GALNT14: variants seen among roughly 807,000 people sequenced by gnomAD.
GALNT14 encodes the protein polypeptide N-acetylgalactosaminyltransferase 14.
GALNT14 carries 60 observed loss-of-function variants against 77.5 expected under a neutral mutation model. The ratio of observed to expected loss-of-function variants is 0.77; its 90% confidence interval spans 0.63 to 0.96. The LOEUF (loss-of-function observed/expected upper bound fraction) is 0.96. Ranked by LOEUF, GALNT14 falls within the 40% of genes least tolerant of loss-of-function variation. GALNT14 has a pLI of 0.00. For synonymous variants in GALNT14, 280 were observed against 281.7 expected, an observed-to-expected ratio of 0.99 and a Z score of 0.06; for missense variants, 710 against 731.0, an observed-to-expected ratio of 0.97 and a Z score of 0.33.
intron 1 of GALNT14, among the ~76,000 whole-genome samples, chr2:31,083,814 G>A (rs1676274622): frequency 6.6e-6 from 1 of 152,180 alleles, no homozygotes; most frequent in South Asian, 2.1e-4. Context: ...TTCCCTATGT[G>A]TGATCTGAGG....
intron 1 of GALNT14, among the ~76,000 whole-genome samples, chr2:31,130,649 G>T (rs911754906): frequency 5.3e-5 from 8 of 151,752 alleles, no homozygotes; most frequent in African/African-American, 1.2e-4. Context: ...ACCTCAGAAG[G>T]TCACATCAGG....
At chr2:30,942,089 C>G (rs1573004328) in intron 9 of GALNT14, 112 bp downstream of exon 9, 6 of 692,656 alleles carry the variant, frequency 8.7e-6, no homozygotes, top group East Asian at 5.4e-5. Context: ...TCATCCAAAG[C>G]ACGTGTCACT....
At chr2:30,968,955 G>T (rs1668178085) in intron 2 of GALNT14, among the ~76,000 whole-genome samples, 1 of 152,162 alleles carries the variant, frequency 6.6e-6, no homozygotes, top group Non-Finnish European at 1.5e-5. Context: ...GTGGAACCAG[G>T]GTTGAGGGAG....
At chr2:30,924,900 A>G (rs1267488891) in intron 11 of GALNT14, 77 bp from the exon 12 acceptor site, 25 of 1,218,692 alleles carry the variant, frequency 2.1e-5, no homozygotes, top group Non-Finnish European at 4.8e-6. Flanking sequence ...ACGCCAGTCC[A>G]GACTGAGAAC....
chr2:31,100,396 TATGTTTACTA>T (rs1427012778), intron 1 of GALNT14, among the ~76,000 whole-genome samples: 1 of 152,142 alleles, frequency 6.6e-6, no homozygotes, highest in Non-Finnish European at 1.5e-5. Flanking sequence ...AGTATTAATT[TATGTTTACTA>T]ATTATTGCAC....
At chr2:31,063,410 T>C (rs1050809432) in intron 1 of GALNT14, among the ~76,000 whole-genome samples, 48 of 152,122 alleles carry the variant, frequency 3.2e-4, no homozygotes, top group Admixed American at 2.4e-3. Context: ...TTCTGTTCCA[T>C]TGGTCTATAT....
intron 1 of GALNT14, among the ~76,000 whole-genome samples, chr2:31,117,980 A>G (rs13389205): frequency 8.0e-4 from 122 of 152,288 alleles, no homozygotes; most frequent in African/African-American, 2.9e-3. Flanking sequence ...GTGGCCTATA[A>G]ATAGAACCCA....
At chr2:31,037,064 C>T (rs1672780446) in intron 1 of GALNT14, among the ~76,000 whole-genome samples, 1 of 152,124 alleles carries the variant, frequency 6.6e-6, no homozygotes, top group Non-Finnish European at 1.5e-5. Context: ...ATTATTTCTT[C>T]AAGCATGTTC....
At chr2:30,938,384 ACTCTCT>A (rs1553339835) in intron 9 of GALNT14, among the ~76,000 whole-genome samples, 11 of 141,686 alleles carry the variant, frequency 7.8e-5, no homozygotes, top group South Asian at 2.3e-4. Context: ...ACACACACAC[ACTCTCT>A]CTCTCTCTCT....
At chr2:31,081,270 C>T (rs1250652019) in intron 1 of GALNT14, among the ~76,000 whole-genome samples, 1 of 152,198 alleles carries the variant, frequency 6.6e-6, no homozygotes, top group Non-Finnish European at 1.5e-5. Flanking sequence ...TATATGGATT[C>T]ATGGCAATAA....
chr2:31,121,231 T>C (rs945849364), intron 1 of GALNT14, among the ~76,000 whole-genome samples: 1 of 152,348 alleles, frequency 6.6e-6, no homozygotes, highest in Admixed American at 6.5e-5. Context: ...ACAGGCAAGA[T>C]GACTTCCCCA....
intron 1 of GALNT14, among the ~76,000 whole-genome samples, chr2:31,008,497 A>T (rs1357994630): frequency 6.6e-6 from 1 of 152,144 alleles, no homozygotes; most frequent in Non-Finnish European, 1.5e-5. Context: ...CATGGGTGTG[A>T]CATCCACGTC....
chr2:30,968,768 C>G (rs556711104), intron 2 of GALNT14, among the ~76,000 whole-genome samples: 2 of 152,176 alleles, frequency 1.3e-5, no homozygotes, highest in Non-Finnish European at 2.9e-5. Flanking sequence ...TGTTTTACAC[C>G]ACAAAGTTTA....
intron 1 of GALNT14, among the ~76,000 whole-genome samples, chr2:31,057,373 T>TTGCAG (rs1464371209): frequency 8.2e-3 from 263 of 32,140 alleles, no homozygotes; most frequent in African/African-American, 0.037. Context: ...TGTGTGTGTG[T>TTGCAG]GTATATATAT....
At chr2:30,907,484 C>T (rs1664175159), downstream of GALNT14, among the ~76,000 whole-genome samples, 3 of 152,184 alleles carry the variant, frequency 2.0e-5, no homozygotes, top group South Asian at 6.2e-4. Flanking sequence ...TTCCTCGACA[C>T]ATACACTCTC....
intron 1 of GALNT14, among the ~76,000 whole-genome samples, chr2:30,998,976 C>A (rs1670199461): frequency 1.3e-5 from 2 of 152,224 alleles, no homozygotes; most frequent in African/African-American, 4.8e-5. Flanking sequence ...ACTCTTCACT[C>A]TCCTTGCTGA....
At chr2:31,037,192 G>A (rs1476269987) in intron 1 of GALNT14, among the ~76,000 whole-genome samples, 1 of 152,024 alleles carries the variant, frequency 6.6e-6, no homozygotes, top group Non-Finnish European at 1.5e-5. Context: ...CTGTTCCTCA[G>A]ACTGGATAAT....
intron 6 of GALNT14, among the ~76,000 whole-genome samples, chr2:30,947,640 G>A (rs909802113): frequency 5.3e-5 from 8 of 152,202 alleles, no homozygotes; most frequent in African/African-American, 1.9e-4. Context: ...CTGGGAACCA[G>A]GCAGGACTGC....
intron 1 of GALNT14, among the ~76,000 whole-genome samples, chr2:31,057,426 TAC>T (rs1351929275): frequency 3.5e-5 from 5 of 144,784 alleles, no homozygotes; most frequent in Non-Finnish European, 4.5e-5. Flanking sequence ...TATATATATA[TAC>T]ACACACACAC....
Sources: gnomAD v4.1 joint callset for allele counts (sites outside exome capture counted in the v4.1 genomes callset) on GRCh38, gnomAD v4.1.1 for gene constraint, MANE v1.5 for transcripts, NCBI Gene and HGNC (gene_info 2026-07-23, HGNC 2026-07-21) for gene names.